The following LARGE1 variants were observed in gnomAD, a reference collection of about 807,000 sequenced individuals.
The protein encoded by LARGE1 is xylosyl- and glucuronyltransferase LARGE1.
LARGE1 carries 43 observed loss-of-function variants against 87.6 expected under a neutral mutation model. The observed-to-expected ratio is 0.49, with a 90% CI of 0.38 to 0.63. The LOEUF (loss-of-function observed/expected upper bound fraction) is 0.63, where lower values mean the gene tolerates loss of function less well. LARGE1 is among the 30% of genes least tolerant of loss of function. LARGE1 has a pLI of 0.00. For synonymous variants in LARGE1, 434 were observed against 394.6 expected, an observed-to-expected ratio of 1.10 and a Z score of -1.18; for missense variants, 802 against 1,000.2, an observed-to-expected ratio of 0.80 and a Z score of 2.67.
intron 1 of LARGE1, among the ~76,000 whole-genome samples, chr22:33,871,336 G>T (rs1458484229): frequency 6.6e-6 from 1 of 152,176 alleles, no homozygotes; most frequent in African/African-American, 2.4e-5. Flanking sequence ...TATGTGCTAG[G>T]TCATTTCAGT....
chr22:33,152,333 C>A, the LARGE1 span, among the ~76,000 whole-genome samples: 1 of 152,188 alleles, frequency 6.6e-6, no homozygotes, highest in Admixed American at 6.5e-5. Context: ...CAAAACTGCA[C>A]CTCTTCTCTG....
chr22:33,885,316 C>T (rs1451821859), intron 1 of LARGE1, among the ~76,000 whole-genome samples: 3 of 152,136 alleles, frequency 2.0e-5, no homozygotes, highest in Admixed American at 1.3e-4. Context: ...TGACCCTCTG[C>T]GGAGGGGGCA....
At chr22:33,120,434 CTCCT>C in the LARGE1 span, among the ~76,000 whole-genome samples, 2 of 139,300 alleles carry the variant, frequency 1.4e-5, no homozygotes, top group Middle Eastern at 3.5e-3. Context: ...TTCTCTCTCT[CTCCT>C]TCCTTCCTTC....
chr22:33,216,605 A>G (rs1925216378), intron 11 of LARGE1, among the ~76,000 whole-genome samples: 1 of 151,958 alleles, frequency 6.6e-6, no homozygotes, highest in Non-Finnish European at 1.5e-5. Flanking sequence ...CTCAAAAAAA[A>G]AAAAAAAGAA....
chr22:33,492,268 G>A (rs2069884684), intron 6 of LARGE1, among the ~76,000 whole-genome samples: 1 of 152,192 alleles, frequency 6.6e-6, no homozygotes, highest in Non-Finnish European at 1.5e-5. Context: ...AAGAAGCTGG[G>A]GCTGCAGGGT....
intron 6 of LARGE1, among the ~76,000 whole-genome samples, chr22:33,504,511 C>A (rs1414823600): frequency 6.6e-6 from 1 of 152,196 alleles, no homozygotes; most frequent in Non-Finnish European, 1.5e-5. Flanking sequence ...CCACCCGCCT[C>A]GGCCTCCCAA....
At chr22:33,408,748 C>T (rs1388428476) in intron 7 of LARGE1, among the ~76,000 whole-genome samples, 6 of 140,144 alleles carry the variant, frequency 4.3e-5, no homozygotes, top group East Asian at 2.0e-4. Flanking sequence ...AAAAACCCAG[C>T]GTGGGACATA....
Position 33,524,300 on chromosome 22 carries a change from A to AT in LARGE1, c.787+40547_787+40548insA, listed in dbSNP as rs1486384487. Among the ~76,000 whole-genome samples the AT allele has an allele frequency of 9.3e-4, 141 of 151,040 alleles. 2 individuals carry two copies. The highest frequency in any genetic ancestry group is 2.8e-3 in the African/African-American group (117 of 41,084). On this transcript the variant is annotated intron_variant, in intron 6 of 14. Transcript: ENST00000397394. The stretch of plus-strand genomic sequence containing the variant: ...AGTGAGACTCCCCTCAAAAAAAAAA[A>AT]AATAATAATAATAATAAAATCAAGC...
In LARGE1 at chr22:33,633,753, T is replaced by C. The variant is rs2080179639; in HGVS notation, c.409-7427A>G. 2.0e-5 allele frequency among the ~76,000 whole-genome samples: 3 copies of C among 152,294 alleles called. No individual in the cohort carries two copies. In the South Asian group the frequency reaches 6.2e-4, roughly 32 times the overall value. On this transcript the variant is annotated intron_variant, in intron 3 of 14. Coordinates refer to ENST00000397394, the MANE Select transcript of LARGE1 (RefSeq NM_133642.5). Reference sequence around the variant, plus strand: ...GGAAAGACAGGCTCAGCACAGATTCTGGATGGTAGCTGCAGACTTTTGGTG... The same window carrying C: ...GGAAAGACAGGCTCAGCACAGATTCCGGATGGTAGCTGCAGACTTTTGGTG...
At chr22:33,230,088 T>G (rs1925933264) in intron 11 of LARGE1, among the ~76,000 whole-genome samples, 1 of 143,772 alleles carries the variant, frequency 7.0e-6, no homozygotes, top group Non-Finnish European at 1.5e-5. Flanking sequence ...CTTTGCTCAC[T>G]GCAACCTCCA....
intron 11 of LARGE1, among the ~76,000 whole-genome samples, chr22:33,267,192 G>C (rs1005603204): frequency 6.6e-6 from 1 of 151,710 alleles, no homozygotes; most frequent in African/African-American, 2.4e-5. Flanking sequence ...AGTGAGCTGA[G>C]ATTGTGCTAC....
At chr22:33,319,456 C>T (rs374861517) in intron 10 of LARGE1, among the ~76,000 whole-genome samples, 23 of 152,210 alleles carry the variant, frequency 1.5e-4, no homozygotes, top group Admixed American at 3.9e-4. Flanking sequence ...AGTGCAGTGA[C>T]GCGATCTCAG....
chr22:33,303,528 T>G (rs889716079), intron 12 of LARGE1, among the ~76,000 whole-genome samples: 1 of 152,168 alleles, frequency 6.6e-6, no homozygotes, highest in African/African-American at 2.4e-5. Flanking sequence ...CATCATCACT[T>G]AGATTTGTTT....
intron 6 of LARGE1, among the ~76,000 whole-genome samples, chr22:33,557,960 C>A (rs927932180): frequency 1.3e-5 from 2 of 152,198 alleles, no homozygotes; most frequent in East Asian, 3.8e-4. Flanking sequence ...CAGGCCAAGC[C>A]TCGCCCTTTC....
rs1044471547 is a variant in LARGE1, at chr22:33,244,660, A to C, written c.1730+59569T>G. ...AGTCTCTGTAGGCAGTTAGAAATCA[A>C]CTATGCCATCTGTCATCATCTTGAC... is the stretch of plus-strand genomic sequence containing the variant. On this transcript the variant is annotated intron_variant, in intron 11 of 11. Transcript: ENST00000608642. 1.8e-4 allele frequency among the ~76,000 whole-genome samples: 28 copies of C among 152,228 alleles called. 1 individual carries two copies. The highest frequency in any genetic ancestry group is 1.8e-3 in the Admixed American group (27 of 15,286).
chr22:33,239,013 A>T lies in LARGE1; in HGVS notation c.1730+65216T>A, dbSNP rs1214725709. Among the ~76,000 whole-genome samples the T allele has an allele frequency of 2.6e-5, 4 of 152,100 alleles. No homozygotes were observed. The East Asian group carries it at 5.8e-4, about 22-fold the overall frequency. On this transcript the variant is annotated intron_variant, in intron 11 of 11. Transcript: ENST00000608642. ...ATAAAATAGAAAAAAAATAAGATCA[A>T]ATCAAAGTTATCTTCAAAAAACAAA...
intron 6 of LARGE1, among the ~76,000 whole-genome samples, chr22:33,558,834 G>A (rs2077771887): frequency 6.6e-6 from 1 of 152,192 alleles, no homozygotes. Context: ...AGCCCCAATG[G>A]CTCTGTGGAC....
At position 33,461,380 on chromosome 22, in the gene LARGE1, T is replaced by C. The variant is rs180977739; in HGVS notation, c.788-29115A>G. On this transcript the variant is annotated intron_variant, in intron 6 of 14. Transcript: ENST00000397394. ...AAGGCAGAGATTCCCTCCCATTGAA[T>C]TGTTTCAGTGACTCATTTCTAATAA... is the stretch of plus-strand genomic sequence containing the variant. Among the ~76,000 whole-genome samples the C allele has an allele frequency of 2.9e-4, 44 of 152,242 alleles. No individual in the cohort carries two copies. The East Asian group carries it at 5.8e-3, about 20-fold the overall frequency.
intron 1 of LARGE1, among the ~76,000 whole-genome samples, chr22:33,785,213 G>GTGTATACATACATATGTA (rs1569446029): frequency 2.1e-4 from 24 of 116,892 alleles, no homozygotes; most frequent in African/African-American, 6.2e-4. Context: ...ATACATATGT[G>GTGTATACATACATATGTA]TATATACATA....
Sources: allele counts gnomAD v4.1 joint callset (sites outside exome capture counted in the v4.1 genomes callset), GRCh38; gene constraint gnomAD v4.1.1; transcripts MANE v1.5; gene names NCBI Gene and HGNC (gene_info 2026-07-23, HGNC 2026-07-21).